The following ACACA variants were observed in gnomAD, a reference collection of about 807,000 sequenced individuals.
ACACA encodes acetyl-CoA carboxylase alpha.
A neutral mutation model predicts 296.1 loss-of-function variants in ACACA; 103 were observed. That is an observed-to-expected ratio of 0.35 (90% CI 0.30 to 0.41). The LOEUF (loss-of-function observed/expected upper bound fraction) is 0.41. Ranked by LOEUF, ACACA falls within the 10% of genes least tolerant of loss-of-function variation. ACACA has a pLI of 1.00. For missense variants in ACACA, 1,554 were observed against 2,989.7 expected (o/e 0.52, Z 11.20); for synonymous variants, 953 against 1,038.6 (o/e 0.92, Z 1.58).
chr17:37,182,352 C>CATATAT (rs113554103), intron 39 of ACACA, among the ~76,000 whole-genome samples: 18 of 149,398 alleles, frequency 1.2e-4, no homozygotes, highest in African/African-American at 3.7e-4. Flanking sequence ...TATTAAAAAA[C>CATATAT]ATATATATAT....
At chr17:37,224,019 T>C (rs920103398) in intron 27 of ACACA, among the ~76,000 whole-genome samples, 1 of 152,206 alleles carries the variant, frequency 6.6e-6, no homozygotes, top group Non-Finnish European at 1.5e-5. Context: ...CTGGCCAACA[T>C]GGCGAAACCC....
chr17:37,180,650 G>A (rs2077284263), intron 40 of ACACA, among the ~76,000 whole-genome samples: 1 of 152,154 alleles, frequency 6.6e-6, no homozygotes. Flanking sequence ...TATAGAGGCT[G>A]AGATTCATAA....
chr17:37,236,010 G>A (rs2080094614), intron 24 of ACACA, among the ~76,000 whole-genome samples: 1 of 152,186 alleles, frequency 6.6e-6, no homozygotes, highest in African/African-American at 2.4e-5. Context: ...AGAGGAATTA[G>A]TGTTTGAATA....
At chr17:37,332,910 GAA>G (rs58422225) in intron 2 of ACACA, among the ~76,000 whole-genome samples, 7 of 76,868 alleles carry the variant, frequency 9.1e-5, no homozygotes, top group Admixed American at 2.9e-4. Context: ...ACTCTGTCTA[GAA>G]AAAAAAAAAA....
chr17:37,362,050 G>A (rs907745531), intron 1 of ACACA, among the ~76,000 whole-genome samples: 4 of 152,076 alleles, frequency 2.6e-5, no homozygotes, highest in African/African-American at 4.8e-5. Context: ...TATGACTGTC[G>A]TCCTTATAAG....
At chr17:37,376,528 C>T (rs756774388) in intron 1 of ACACA, among the ~76,000 whole-genome samples, 10 of 152,068 alleles carry the variant, frequency 6.6e-5, no homozygotes, top group South Asian at 4.1e-4. Flanking sequence ...AATAGCTAGA[C>T]GGTGATATTC....
intron 37 of ACACA, among the ~76,000 whole-genome samples, chr17:37,191,889 T>TAA (rs562910894): frequency 5.7e-4 from 81 of 141,486 alleles, no homozygotes; most frequent in Non-Finnish European, 8.4e-4. Context: ...TTCTGCTTTG[T>TAA]AAAAAAAAAA....
At chr17:37,233,910 A>G (rs540912430) in intron 25 of ACACA, among the ~76,000 whole-genome samples, 251 of 152,292 alleles carry the variant, frequency 1.6e-3, no homozygotes, top group Non-Finnish European at 3.1e-3. Context: ...AACTCTCCCT[A>G]TAATTACATA....
intron 1 of ACACA, among the ~76,000 whole-genome samples, chr17:37,399,149 T>G (rs1444046867): frequency 6.6e-6 from 1 of 151,360 alleles, no homozygotes; most frequent in East Asian, 2.0e-4. Context: ...CCGGCTAATT[T>G]TTTATATTTT....
intron 45 of ACACA, among the ~76,000 whole-genome samples, chr17:37,142,685 G>GT (rs927035556): frequency 2.0e-5 from 3 of 152,198 alleles, no homozygotes; most frequent in African/African-American, 7.2e-5. Flanking sequence ...ATGAGCTATT[G>GT]TATCAACGAG....
chr17:37,320,238 G>A (rs1390029226), intron 3 of ACACA, among the ~76,000 whole-genome samples: 1 of 152,170 alleles, frequency 6.6e-6, no homozygotes, highest in South Asian at 2.1e-4. Flanking sequence ...AGGCCTGGGC[G>A]CAGTGGCTCA....
intron 19 of ACACA, among the ~76,000 whole-genome samples, chr17:37,245,534 C>G (rs942864911): frequency 1.3e-5 from 2 of 152,162 alleles, no homozygotes; most frequent in African/African-American, 4.8e-5. Flanking sequence ...CCAGTGAATC[C>G]AATCTAAGAC....
At chr17:37,390,330 A>ATATATATATC (rs1386032855) in intron 1 of ACACA, among the ~76,000 whole-genome samples, 431 of 41,550 alleles carry the variant, frequency 0.01, 48 homozygotes, top group Non-Finnish European at 0.012. Flanking sequence ...ATATATATAT[A>ATATATATATC]TATAAAAGGC....
chr17:37,125,611 A>G, intron 48 of ACACA, 87 bp downstream of exon 48: 2 of 1,132,892 alleles, frequency 1.8e-6, no homozygotes, highest in African/African-American at 1.5e-5. Flanking sequence ...AGAGAACATT[A>G]TTGGTATATA....
intron 42 of ACACA, among the ~76,000 whole-genome samples, chr17:37,159,221 AT>A (rs2076370540): frequency 1.3e-5 from 2 of 151,762 alleles, no homozygotes; most frequent in Non-Finnish European, 2.9e-5. Flanking sequence ...AAAATTAAAC[AT>A]TTTGGTTTTT....
intron 54 of ACACA, among the ~76,000 whole-genome samples, chr17:37,090,805 T>C (rs184935781): frequency 1.8e-4 from 28 of 152,240 alleles, no homozygotes; most frequent in Admixed American, 5.2e-4. Flanking sequence ...ATTTCCATCA[T>C]TGGCAATTTA....
intron 45 of ACACA, chr17:37,141,561 CTG>C (rs1201312877): frequency 2.3e-5 from 4 of 173,820 alleles, no homozygotes; most frequent in Admixed American, 6.1e-5. Flanking sequence ...CCACGCCAAC[CTG>C]ATTTTCTACT....
rs1283679347 is a variant in ACACA at position 37,161,964 on chromosome 17, T to G, written c.5166A>C (p.Thr1722=). 2 of 1,614,104 alleles carry G rather than the reference T, an allele frequency of 1.2e-6. No individual in the cohort carries two copies. The highest frequency in any genetic ancestry group is 2.7e-5 in the African/African-American group (2 of 74,938). The change falls in exon 42 of 56, where the codon ACA becomes ACC. Residue 1722 remains threonine, a synonymous_variant. Transcript: ENST00000616317. ...RDIIVIGNDI[T]YRIGSFGPQE... is the part of the protein sequence containing the mutation. ...GAGGCCCAAAGGACCCAATTCGGTATGTGATGTCATTGCCAATAACAATGA... is the reference window on the plus strand; with the variant it reads ...GAGGCCCAAAGGACCCAATTCGGTAGGTGATGTCATTGCCAATAACAATGA...
chr17:37,198,089 T>G (rs771029389), intron 35 of ACACA, among the ~76,000 whole-genome samples: 3 of 152,218 alleles, frequency 2.0e-5, no homozygotes, highest in Non-Finnish European at 2.9e-5. Flanking sequence ...AAAAAATGTT[T>G]TAAAGCTGTT....
Sources: allele counts gnomAD v4.1 joint callset (sites outside exome capture counted in the v4.1 genomes callset), GRCh38; gene constraint gnomAD v4.1.1; transcripts MANE v1.5; gene names NCBI Gene and HGNC (gene_info 2026-07-23, HGNC 2026-07-21).